Variants in ANK2 observed in about 807,000 individuals in gnomAD.
The protein encoded by ANK2 is ankyrin-2.
ANK2 carries 83 observed loss-of-function variants against 360.5 expected under a neutral mutation model. The observed-to-expected ratio is 0.23, with a 90% CI of 0.19 to 0.28. The LOEUF (loss-of-function observed/expected upper bound fraction) is 0.28. Among genes scored for constraint, ANK2 ranks in the 10% least tolerant of loss-of-function variants. The probability of loss-of-function intolerance (pLI) is 1.00; values close to 1 mark genes in which losing one functional copy is unlikely to be tolerated. For synonymous variants in ANK2, 1,740 were observed against 1,759.5 expected (o/e 0.99, Z 0.28); for missense variants, 4,201 against 4,795.7 (o/e 0.88, Z 3.66).
chr4:113,242,404 C>T (rs1002262141), intron 9 of ANK2, among the ~76,000 whole-genome samples, 195 bp downstream of exon 9: 8 of 152,218 alleles, frequency 5.3e-5, no homozygotes, highest in South Asian at 2.1e-4. Flanking sequence ...CTCATAAGTG[C>T]CCAGAGAAGC....
At position 113,336,755 on chromosome 4, in the gene ANK2, C is replaced by T. The variant is rs1412760053; in HGVS notation, c.3770C>T (p.Thr1257Ile). 1.2e-6 allele frequency: 2 copies of T among 1,613,958 alleles called. No homozygotes were observed. The highest frequency in any genetic ancestry group is 2.7e-5 in the African/African-American group (2 of 74,900). The change falls in exon 31 of 46, where the codon ACC becomes ATC. Residue 1257 changes from threonine to isoleucine, a missense_variant. Physicochemically the swap from Thr to Ile is moderately conservative, Grantham distance 89. This residue lies in a region of ANK2 where 1,268 missense variants were observed against 1,650.8 expected (regional missense o/e 0.77). Transcript: ENST00000357077. The part of the protein sequence containing the change: ...MLNGFGGDAP[T>I]LRLLCSITGG... ...AATGGTTTTGGGGGAGATGCACCAACCTTAAGATTACTATGCAGCATAACA... is the reference window on the plus strand; with the variant it reads ...AATGGTTTTGGGGGAGATGCACCAATCTTAAGATTACTATGCAGCATAACA...
intron 21 of ANK2, among the ~76,000 whole-genome samples, 190 bp downstream of exon 21, chr4:113,292,704 G>A (rs2153744692): frequency 6.6e-6 from 1 of 152,250 alleles, no homozygotes; most frequent in Non-Finnish European, 1.5e-5. Context: ...GCTTGCCCTG[G>A]GAGGGAAAGC....
upstream of ANK2, among the ~76,000 whole-genome samples, chr4:113,046,243 C>T (rs543343171): frequency 6.6e-6 from 1 of 152,168 alleles, no homozygotes; most frequent in Non-Finnish European, 1.5e-5. Flanking sequence ...ACCTGTTTAA[C>T]TACTGGCTGG....
chr4:113,213,495 G>A (rs879841330), intron 4 of ANK2, among the ~76,000 whole-genome samples: 2 of 152,248 alleles, frequency 1.3e-5, no homozygotes, highest in African/African-American at 4.8e-5. Flanking sequence ...GTCTTGAGAA[G>A]GGCTAATAGG....
chr4:112,839,337 C>T, intron 1 of ANK2, among the ~76,000 whole-genome samples: 1 of 152,004 alleles, frequency 6.6e-6, no homozygotes, highest in East Asian at 1.9e-4. Context: ...CAATTGGCTC[C>T]CTGATGCTCA....
At chr4:113,264,516 A>G (rs2054805020) in intron 13 of ANK2, among the ~76,000 whole-genome samples, 1 of 152,194 alleles carries the variant, frequency 6.6e-6, no homozygotes, top group East Asian at 1.9e-4. Context: ...TGGACTTGAA[A>G]AAATAAAATA....
intron 2 of ANK2, among the ~76,000 whole-genome samples, chr4:112,908,295 G>A (rs1249403507): frequency 6.6e-6 from 1 of 152,216 alleles, no homozygotes; most frequent in Non-Finnish European, 1.5e-5. Flanking sequence ...TACATTTGAT[G>A]AAATGGAGGC....
chr4:113,065,800 A>G (rs1230158335), intron 1 of ANK2, among the ~76,000 whole-genome samples: 2 of 152,230 alleles, frequency 1.3e-5, no homozygotes, highest in African/African-American at 4.8e-5. Context: ...GCTTCTATCT[A>G]CAACGTTATT....
intron 2 of ANK2, among the ~76,000 whole-genome samples, chr4:113,033,287 T>G (rs1401927731): frequency 6.6e-6 from 1 of 151,982 alleles, no homozygotes; most frequent in East Asian, 1.9e-4. Context: ...ATTTTAGAAA[T>G]TAAGACACTG....
In ANK2 at chr4:113,242,322, G is replaced by A. The variant is rs3025741; in HGVS notation, c.891+113G>A. 7.4e-5 allele frequency: 68 copies of A among 915,358 alleles called. No homozygotes were observed. The African/African-American group carries it at 7.9e-4, about 11-fold the overall frequency. The allele number at this position is 915,358 out of a possible 1,614,324, so 56.7% of individuals were successfully genotyped here. A position where few individuals can be genotyped will look rare whatever the true frequency, so the allele number is the denominator to read the frequency against. ...TAAGCAATGTGTTTTCAAGGAAATTGCTTTATTGGAATTGATTTAAATCTC... is the reference window on the plus strand; with the variant it reads ...TAAGCAATGTGTTTTCAAGGAAATTACTTTATTGGAATTGATTTAAATCTC... On this transcript the variant is annotated intron_variant, in intron 9 of 45. Coordinates refer to ENST00000357077, the MANE Select transcript of ANK2 (RefSeq NM_001148.6).
intron 13 of ANK2, among the ~76,000 whole-genome samples, chr4:113,261,176 C>T (rs1027891519): frequency 5.9e-5 from 9 of 152,054 alleles, no homozygotes; most frequent in East Asian, 5.8e-4. Flanking sequence ...AACTCAATCA[C>T]GTATAGACAT....
At position 113,342,938 on chromosome 4, in the gene ANK2, G is replaced by A. The variant is rs1335913146; in HGVS notation, c.4123-79G>A. 3.8e-6 allele frequency: 6 copies of A among 1,572,030 alleles called. No homozygotes were observed. In the East Asian group the frequency reaches 6.7e-5, roughly 18 times the overall value. ...GTATTATAAGAATTTGAAGTTCCAA[G>A]TAGTACTACCACTTCTTTGTGTAAA... is the stretch of plus-strand genomic sequence containing the variant. On this transcript the variant is annotated intron_variant, in intron 33 of 45. Coordinates refer to ENST00000357077, the MANE Select transcript of ANK2 (RefSeq NM_001148.6).
intron 23 of ANK2, among the ~76,000 whole-genome samples, chr4:113,310,078 A>G (rs2079132804): frequency 6.6e-6 from 1 of 152,134 alleles, no homozygotes; most frequent in East Asian, 1.9e-4. Flanking sequence ...TCACCCTTAT[A>G]AACCTTCCTC....
chr4:113,365,212 TG>T, intron 41 of ANK2, 30 bp downstream of exon 41: 1 of 1,596,204 alleles, frequency 6.3e-7, no homozygotes, highest in East Asian at 2.3e-5. Context: ...TGTGTGTGTG[TG>T]TGTGTGTGTG....
In ANK2 at chr4:113,356,371, G is replaced by A; in HGVS notation, c.7753G>A (p.Glu2585Lys). Residue 2585 changes from glutamate (E) to lysine (K), a missense_variant, in exon 38 of 46, where the codon GAA (glutamate) becomes AAA (lysine). Coordinates refer to ENST00000357077, the MANE Select transcript of ANK2 (RefSeq NM_001148.6). Reference protein sequence around the residue: ...ENGEKKRFTPEEEMFKMVTKI... With the variant: ...ENGEKKRFTPKEEMFKMVTKI... Reference sequence around the variant, plus strand: ...CGGGGAGAAAAAGAGGTTCACACCTGAAGAGGAGATGTTTAAAATGGTAAC... The same window carrying A: ...CGGGGAGAAAAAGAGGTTCACACCTAAAGAGGAGATGTTTAAAATGGTAAC... The A allele has an allele frequency of 6.2e-7, 1 of 1,614,164 alleles. No individual in the cohort carries two copies. Among genetic ancestry groups the A allele is most frequent in the Non-Finnish European group, 8.5e-7 (1 of 1,180,002 alleles).
chr4:113,141,824 T>C (rs1156898904), intron 1 of ANK2, among the ~76,000 whole-genome samples: 1 of 152,196 alleles, frequency 6.6e-6, no homozygotes, highest in East Asian at 1.9e-4. Context: ...TTCAGAAGAT[T>C]AAAGCTGAGA....
chr4:112,876,493 G>T (rs1022588618), intron 1 of ANK2, among the ~76,000 whole-genome samples: 2 of 152,068 alleles, frequency 1.3e-5, no homozygotes, highest in Non-Finnish European at 2.9e-5. Flanking sequence ...AAAAAAAGAA[G>T]TATGTGTGGA....
the ANK2 span, among the ~76,000 whole-genome samples, chr4:112,724,882 A>G: frequency 6.6e-6 from 1 of 152,230 alleles, no homozygotes; most frequent in Non-Finnish European, 1.5e-5. Context: ...ACTCATGTTC[A>G]CAGCAGCATT....
At chr4:112,818,652 T>TTAAG (rs1443063904) in intron 1 of ANK2, among the ~76,000 whole-genome samples, 1 of 152,180 alleles carries the variant, frequency 6.6e-6, no homozygotes, top group Non-Finnish European at 1.5e-5. Flanking sequence ...ACTGCTTGTG[T>TTAAG]TAAGACACTG....
Sources: allele counts gnomAD v4.1 joint callset (sites outside exome capture counted in the v4.1 genomes callset), GRCh38; gene constraint gnomAD v4.1.1; regional missense constraint gnomAD v4.1.1; transcripts MANE v1.5; gene names NCBI Gene and HGNC (gene_info 2026-07-23, HGNC 2026-07-21).